The following CLDN10 variants were observed in gnomAD, a reference collection of about 807,000 sequenced individuals.
CLDN10 encodes claudin-10.
Under a neutral mutation model 22.9 loss-of-function variants are expected in CLDN10, and 15 were observed. The observed-to-expected ratio is 0.65, with a 90% CI of 0.44 to 1.01. The LOEUF is 1.01. CLDN10 is among the 50% of genes least tolerant of loss of function. The pLI, the probability that CLDN10 is intolerant of heterozygous loss-of-function variation, is 0.00. For synonymous variants in CLDN10, 114 were observed against 111.4 expected, an observed-to-expected ratio of 1.02 and a Z score of -0.15; for missense variants, 247 against 287.8, an observed-to-expected ratio of 0.86 and a Z score of 1.03.
intron 1 of CLDN10, among the ~76,000 whole-genome samples, chr13:95,534,911 A>G (rs1473516198): frequency 6.6e-6 from 1 of 152,206 alleles, no homozygotes; most frequent in Non-Finnish European, 1.5e-5. Context: ...CTCAGCAGGG[A>G]CATGGATACA....
At chr13:95,483,357 A>AT (rs11426926) in intron 1 of CLDN10, among the ~76,000 whole-genome samples, 89,955 of 151,650 alleles carry the variant, frequency 0.59, 27,893 homozygotes, top group African/African-American at 0.79. Flanking sequence ...CTCATCTCTA[A>AT]TTTTTTTTCT....
At chr13:95,477,126 C>T (rs1349609417) in intron 1 of CLDN10, among the ~76,000 whole-genome samples, 2 of 152,124 alleles carry the variant, frequency 1.3e-5, no homozygotes, top group African/African-American at 4.8e-5. Context: ...GAGAGAGTTT[C>T]TTACTCTCAG....
intron 1 of CLDN10, among the ~76,000 whole-genome samples, chr13:95,442,328 G>A (rs1314732408): frequency 6.6e-6 from 1 of 152,202 alleles, no homozygotes; most frequent in East Asian, 1.9e-4. Context: ...TTTCCAACCA[G>A]GACTGCAGTA....
intron 3 of CLDN10, among the ~76,000 whole-genome samples, chr13:95,563,674 A>G (rs1038296709): frequency 2.0e-5 from 3 of 152,228 alleles, no homozygotes; most frequent in Non-Finnish European, 1.5e-5. Context: ...GGAATTATCA[A>G]GGCCTGAGAA....
chr13:95,559,477 A>C (rs1329496351), intron 1 of CLDN10, among the ~76,000 whole-genome samples: 1 of 152,208 alleles, frequency 6.6e-6, no homozygotes, highest in Non-Finnish European at 1.5e-5. Flanking sequence ...AGTGCTTTTT[A>C]AAACCCAGTT....
chr13:95,557,829 A>T (rs2043657547), intron 1 of CLDN10, among the ~76,000 whole-genome samples: 1 of 152,202 alleles, frequency 6.6e-6, no homozygotes, highest in South Asian at 2.1e-4. Flanking sequence ...AAGTTCAAAG[A>T]CTACTGTTAT....
chr13:95,433,895 C>G, exon 1 of CLDN10: 1 of 1,614,208 alleles, frequency 6.2e-7, no homozygotes, highest in African/African-American at 1.3e-5. Flanking sequence ...GCTCTCGTTG[C>G]TGCTACCACG....
intron 1 of CLDN10, among the ~76,000 whole-genome samples, chr13:95,532,838 G>T (rs909351438): frequency 7.1e-6 from 1 of 141,202 alleles, no homozygotes; most frequent in East Asian, 2.1e-4. Flanking sequence ...GCTTATATGT[G>T]CAACAACATA....
intron 1 of CLDN10, among the ~76,000 whole-genome samples, chr13:95,480,868 G>A (rs1468635521): frequency 1.3e-5 from 2 of 152,198 alleles, no homozygotes; most frequent in Admixed American, 6.5e-5. Context: ...TGAATAAACT[G>A]TCAAATATAT....
At chr13:95,463,505 G>C (rs1332795151) in intron 1 of CLDN10, among the ~76,000 whole-genome samples, 1 of 149,672 alleles carries the variant, frequency 6.7e-6, no homozygotes, top group Non-Finnish European at 1.5e-5. Flanking sequence ...GCTAATTTTT[G>C]TATTTTTTGT....
intron 1 of CLDN10, among the ~76,000 whole-genome samples, chr13:95,485,042 A>G (rs1338204410): frequency 1.3e-5 from 2 of 152,112 alleles, no homozygotes; most frequent in Non-Finnish European, 2.9e-5. Context: ...TAGACAGATG[A>G]GATGGGCAGC....
chr13:95,511,440 C>G (rs1196848189), intron 1 of CLDN10, among the ~76,000 whole-genome samples: 1 of 151,866 alleles, frequency 6.6e-6, no homozygotes, highest in East Asian at 1.9e-4. Context: ...ATTAACAGAA[C>G]AAGTGTTGAG....
intron 1 of CLDN10, among the ~76,000 whole-genome samples, chr13:95,478,205 G>A (rs1295752069): frequency 2.6e-5 from 4 of 152,186 alleles, no homozygotes; most frequent in Non-Finnish European, 4.4e-5. Context: ...CTACTTGGGA[G>A]GCTGAGGCAT....
upstream of CLDN10, among the ~76,000 whole-genome samples, chr13:95,550,624 A>G (rs1192636745): frequency 6.6e-6 from 1 of 152,196 alleles, no homozygotes; most frequent in Non-Finnish European, 1.5e-5. Context: ...TAATTGGATC[A>G]GAAATAGGCA....
intron 1 of CLDN10, among the ~76,000 whole-genome samples, chr13:95,539,610 G>A (rs576141272): frequency 6.6e-6 from 1 of 152,272 alleles, no homozygotes; most frequent in South Asian, 2.1e-4. Context: ...AATATACAAA[G>A]GTAAGTTAGT....
intron 1 of CLDN10, among the ~76,000 whole-genome samples, chr13:95,543,048 G>A (rs2043475048): frequency 6.6e-6 from 1 of 152,048 alleles, no homozygotes; most frequent in African/African-American, 2.4e-5. Context: ...CCTGGCCAAT[G>A]TGTTGAAACC....
intron 1 of CLDN10, among the ~76,000 whole-genome samples, chr13:95,518,316 G>T (rs2043190854): frequency 6.6e-6 from 1 of 152,030 alleles, no homozygotes; most frequent in African/African-American, 2.4e-5. Context: ...ACTGTTTTGG[G>T]TCCACTTCAA....
intron 1 of CLDN10, among the ~76,000 whole-genome samples, chr13:95,453,216 G>C (rs1288617309): frequency 6.6e-6 from 1 of 152,100 alleles, no homozygotes; most frequent in Non-Finnish European, 1.5e-5. Context: ...TTTTCCAGGA[G>C]TCCCCTCCCT....
intron 1 of CLDN10, among the ~76,000 whole-genome samples, chr13:95,452,685 C>G (rs1340278919): frequency 6.6e-6 from 1 of 152,180 alleles, no homozygotes; most frequent in Admixed American, 6.5e-5. Flanking sequence ...TGAGAGCAGA[C>G]TAAATTATGA....
Sources: allele counts gnomAD v4.1 joint callset (sites outside exome capture counted in the v4.1 genomes callset), GRCh38; gene constraint gnomAD v4.1.1; transcripts MANE v1.5; gene names NCBI Gene and HGNC (gene_info 2026-07-23, HGNC 2026-07-21).